PTPRD: variants seen among roughly 807,000 people sequenced by gnomAD.
PTPRD encodes receptor-type tyrosine-protein phosphatase delta.
A neutral mutation model predicts 214.5 loss-of-function variants in PTPRD; 34 were observed. The ratio of observed to expected loss-of-function variants is 0.16; its 90% confidence interval spans 0.12 to 0.21. The LOEUF (loss-of-function observed/expected upper bound fraction) is 0.21, where lower values mean the gene tolerates loss of function less well. Ranked by LOEUF, PTPRD falls within the 10% of genes least tolerant of loss-of-function variation. The pLI is 1.00. For missense variants in PTPRD, 2,545 were observed against 2,398.7 expected (o/e 1.06, Z -1.27); for synonymous variants, 1,128 against 845.7 (o/e 1.33, Z -5.79).
intron 9 of PTPRD, among the ~76,000 whole-genome samples, chr9:9,224,274 TA>T (rs1415428468): frequency 6.6e-6 from 1 of 151,944 alleles, no homozygotes; most frequent in Non-Finnish European, 1.5e-5. Flanking sequence ...AAGTTTCAGA[TA>T]AAAATGTATT....
intron 2 of PTPRD, among the ~76,000 whole-genome samples, chr9:10,487,108 G>C (rs763379590): frequency 1.3e-5 from 2 of 151,938 alleles, no homozygotes; most frequent in African/African-American, 4.8e-5. Context: ...TTGGTATCAC[G>C]AGTATAGCTA....
intron 5 of PTPRD, among the ~76,000 whole-genome samples, chr9:9,886,271 T>G (rs2070879103): frequency 6.6e-6 from 1 of 152,128 alleles, no homozygotes; most frequent in Admixed American, 6.6e-5. Context: ...GTCTCCTGTT[T>G]TATATGTTTG....
At chr9:8,791,824 G>C (rs1339254322) in intron 11 of PTPRD, among the ~76,000 whole-genome samples, 1 of 152,002 alleles carries the variant, frequency 6.6e-6, no homozygotes, top group African/African-American at 2.4e-5. Flanking sequence ...TTTTGACCCA[G>C]GTGTTTTAAC....
intron 4 of PTPRD, among the ~76,000 whole-genome samples, chr9:9,947,425 T>TA (rs2092801484): frequency 1.8e-4 from 6 of 32,830 alleles, no homozygotes; most frequent in African/African-American, 1.4e-3. Flanking sequence ...TATATATATA[T>TA]TATATATATA....
rs1484073420 is a variant in PTPRD, at chr9:8,335,964, G to GAT, written c.5379+2957_5379+2958insAT. ...ACCACTGCTCAAGGAAATAAGAGAG[G>GAT]ACACAAATGGAAGAACATTCCATGC... is the stretch of plus-strand genomic sequence containing the variant. On this transcript the variant is annotated intron_variant, in intron 43 of 45. Transcript: ENST00000381196. 9.2e-5 allele frequency among the ~76,000 whole-genome samples: 14 copies of GAT among 152,142 alleles called. No homozygotes were observed. The East Asian group carries it at 2.5e-3, about 27-fold the overall frequency.
Position 9,677,046 on chromosome 9 carries a change from G to A in PTPRD, c.-287+57487C>T, listed in dbSNP as rs1015757715. On this transcript the variant is annotated intron_variant, in intron 7 of 45. Transcript: ENST00000381196. ...ATATTAGCCCTTTGTCAGAAGAGTA[G>A]GTTGCAAAAATTTTCTCCCATTTTG... Among the ~76,000 whole-genome samples, 3 of 152,082 alleles carry A rather than the reference G, an allele frequency of 2.0e-5. 1 individual carries two copies.
chr9:9,087,119 C>A (rs1338787622), intron 10 of PTPRD, among the ~76,000 whole-genome samples: 1 of 151,858 alleles, frequency 6.6e-6, no homozygotes, highest in African/African-American at 2.4e-5. Flanking sequence ...GCTTTTTTTT[C>A]TCTCTTGGAT....
intron 5 of PTPRD, among the ~76,000 whole-genome samples, chr9:9,901,462 A>G (rs969708584): frequency 6.6e-6 from 1 of 152,096 alleles, no homozygotes; most frequent in Non-Finnish European, 1.5e-5. Context: ...CAAAAGGATG[A>G]TGCTACATTA....
At chr9:9,389,142 T>C (rs942125598) in intron 9 of PTPRD, among the ~76,000 whole-genome samples, 2 of 152,190 alleles carry the variant, frequency 1.3e-5, no homozygotes, top group African/African-American at 4.8e-5. Flanking sequence ...TGATAATATA[T>C]GTAAAACATG....
chr9:9,530,248 A>G (rs1432043820), intron 8 of PTPRD, among the ~76,000 whole-genome samples: 2 of 152,154 alleles, frequency 1.3e-5, no homozygotes, highest in Non-Finnish European at 1.5e-5. Flanking sequence ...TCAATGAAAC[A>G]CTTTCCAGAC....
At chr9:8,630,921 A>C (rs1296074292) in intron 14 of PTPRD, among the ~76,000 whole-genome samples, 3 of 151,954 alleles carry the variant, frequency 2.0e-5, no homozygotes, top group Admixed American at 6.6e-5. Flanking sequence ...TAAGGAGTTC[A>C]AGGGATTTGG....
At chr9:8,377,267 C>A (rs2083528881) in intron 37 of PTPRD, among the ~76,000 whole-genome samples, 1 of 151,856 alleles carries the variant, frequency 6.6e-6, no homozygotes, top group South Asian at 2.1e-4. Flanking sequence ...GTATCCAAAG[C>A]AAATTAAACC....
intron 11 of PTPRD, chr9:8,860,460 T>G (rs536131268): frequency 6.6e-6 from 1 of 152,212 alleles, no homozygotes; most frequent in South Asian, 2.1e-4. Context: ...GAGAAAGAAG[T>G]AGGGATGGGT....
intron 10 of PTPRD, among the ~76,000 whole-genome samples, chr9:9,170,442 G>A (rs184538575): frequency 5.3e-5 from 8 of 152,294 alleles, no homozygotes; most frequent in Admixed American, 2.6e-4. Context: ...TTGTTTTCCT[G>A]CTTTTGCTAC....
At chr9:9,502,381 T>C (rs976259025) in intron 8 of PTPRD, among the ~76,000 whole-genome samples, 1 of 151,884 alleles carries the variant, frequency 6.6e-6, no homozygotes, top group African/African-American at 2.4e-5. Flanking sequence ...TATCTTTCTG[T>C]ATCTGGTTTA....
At chr9:10,090,960 ATG>A (rs751556029) in intron 3 of PTPRD, among the ~76,000 whole-genome samples, 3,377 of 83,874 alleles carry the variant, frequency 0.04, 48 homozygotes, top group Middle Eastern at 0.073. Context: ...ACACACACAC[ATG>A]CATGTGGTAG....
At chr9:8,621,520 C>T (rs1011566398) in intron 14 of PTPRD, among the ~76,000 whole-genome samples, 4 of 151,892 alleles carry the variant, frequency 2.6e-5, no homozygotes, top group Non-Finnish European at 5.9e-5. Context: ...CATTTAGTGT[C>T]CTCCTTGGTT....
intron 4 of PTPRD, among the ~76,000 whole-genome samples, chr9:10,023,459 G>A (rs1311986973): frequency 6.6e-6 from 1 of 152,118 alleles, no homozygotes; most frequent in Admixed American, 6.6e-5. Flanking sequence ...CCACGTACTT[G>A]AGAAAGTAAA....
At chr9:9,435,552 G>T (rs1464941476) in intron 8 of PTPRD, among the ~76,000 whole-genome samples, 2 of 151,958 alleles carry the variant, frequency 1.3e-5, no homozygotes, top group Admixed American at 1.3e-4. Context: ...AAGTGCTAAG[G>T]ATTTGTTTTA....
Sources: gnomAD v4.1 joint callset for allele counts (sites outside exome capture counted in the v4.1 genomes callset) on GRCh38, gnomAD v4.1.1 for gene constraint, MANE v1.5 for transcripts, NCBI Gene and HGNC (gene_info 2026-07-23, HGNC 2026-07-21) for gene names.